The following ASB14 variants were observed in gnomAD, a reference collection of about 807,000 sequenced individuals.
ASB14 encodes the protein ankyrin repeat and SOCS box containing 14.
In ASB14, 63 loss-of-function variants were observed where a neutral mutation model predicts 55.6. That is an observed-to-expected ratio of 1.13 (90% CI 0.92 to 1.40). The LOEUF is 1.40. ASB14 is among the 40% of genes most tolerant of loss of function. The probability of loss-of-function intolerance (pLI) is 0.00; values close to 1 mark genes in which losing one functional copy is unlikely to be tolerated. For synonymous variants in ASB14, 256 were observed against 259.9 expected (o/e 0.98, Z 0.15); for missense variants, 724 against 710.4 (o/e 1.02, Z -0.22).
At chr3:57,285,650 C>G (rs2061075307) in intron 5 of ASB14, among the ~76,000 whole-genome samples, 1 of 152,026 alleles carries the variant, frequency 6.6e-6, no homozygotes, top group African/African-American at 2.4e-5. Flanking sequence ...GGAGTTAATA[C>G]TTGTCTTATG....
chr3:57,276,843 G>A, intron 9 of ASB14, 115 bp from the exon 10 acceptor site: 1 of 918,618 alleles, frequency 1.1e-6, no homozygotes, highest in Non-Finnish European at 1.6e-6. Context: ...AAATGGCAAA[G>A]TCAATAGGGA....
chr3:57,283,057 A>G (rs1464242430), intron 6 of ASB14, 137 bp downstream of exon 6: 4 of 1,253,566 alleles, frequency 3.2e-6, no homozygotes, highest in South Asian at 1.6e-5. Flanking sequence ...AGTAATCACT[A>G]TTAACCCATA....
intron 5 of ASB14, 132 bp downstream of exon 5, chr3:57,287,769 G>A (rs746425804): frequency 1.9e-5 from 19 of 1,016,498 alleles, no homozygotes; most frequent in East Asian, 5.2e-5. Flanking sequence ...CTGGAGGGTC[G>A]GTACCCATGT....
intron 10 of ASB14, 66 bp downstream of exon 10, chr3:57,276,462 G>A (rs1359769831): frequency 2.4e-6 from 3 of 1,226,268 alleles, no homozygotes; most frequent in South Asian, 1.6e-5. Flanking sequence ...TTTAGTTGGT[G>A]GGTAAAGCAA....
Position 57,269,636 on chromosome 3 carries a change from A to G in ASB14, c.*23-18T>C. On this transcript the variant is annotated intron_variant, in intron 10 of 10. Transcript: ENST00000487349. ...TTGTTGTCCTTAGCAGTAGCCAGTC[A>G]GAAGAGAGTGATTTGGGAGAAGGAG... is the stretch of plus-strand genomic sequence containing the variant. 2 of 1,614,156 alleles carry G rather than the reference A, an allele frequency of 1.2e-6. No individual in the cohort carries two copies. The highest frequency in any genetic ancestry group is 1.7e-6 in the Non-Finnish European group (2 of 1,180,006).
At chr3:57,272,563 C>T (rs1360223392) in intron 10 of ASB14, 1 of 151,934 alleles carries the variant, frequency 6.6e-6, no homozygotes, top group African/African-American at 2.4e-5. Context: ...ATCCTAAGAG[C>T]TAGTATGTTG....
chr3:57,286,251 G>C (rs947861355), intron 5 of ASB14, among the ~76,000 whole-genome samples: 11 of 149,508 alleles, frequency 7.4e-5, no homozygotes, highest in African/African-American at 2.5e-4. Context: ...ACAGTGACTT[G>C]TGAGTCTTCC....
In ASB14 at chr3:57,280,367, A is replaced by G; in HGVS notation, c.822T>C (p.Asp274=). 1.9e-6 allele frequency: 3 copies of G among 1,551,402 alleles called. No individual in the cohort carries two copies. The highest frequency in any genetic ancestry group is 2.4e-5 in the East Asian group (1 of 40,916). The part of the protein sequence containing the change: ...AVALLLEYGA[D]ANIPKNSGHL... Reference sequence around the variant, plus strand: ...GGCCTGAATTCTTAGGGATGTTGGCATCAGCTCCATACTCCAGCAAGAGAG... The same window carrying G: ...GGCCTGAATTCTTAGGGATGTTGGCGTCAGCTCCATACTCCAGCAAGAGAG... Residue 274 remains aspartate, a synonymous_variant, in exon 7 of 11, where the codon GAT becomes GAC. Transcript: ENST00000487349.
intron 10 of ASB14, 120 bp downstream of exon 10, chr3:57,276,408 C>T: frequency 2.8e-6 from 2 of 708,396 alleles, no homozygotes; most frequent in Non-Finnish European, 4.5e-6. Flanking sequence ...GCCTCAGCCT[C>T]CCAAGCAGAG....
intron 10 of ASB14, among the ~76,000 whole-genome samples, chr3:57,275,500 A>C (rs918519547): frequency 2.6e-5 from 4 of 151,948 alleles, no homozygotes; most frequent in African/African-American, 9.7e-5. Context: ...GAAATACATA[A>C]TTTATGAGTT....
intron 8 of ASB14, 67 bp downstream of exon 8, chr3:57,278,310 T>C (rs1186670410): frequency 1.5e-6 from 2 of 1,307,028 alleles, no homozygotes; most frequent in African/African-American, 1.5e-5. Flanking sequence ...TGTAATCTAT[T>C]TATTGCCATA....
At position 57,288,698 on chromosome 3, in the gene ASB14, CAT is replaced by C. The variant is rs533702855; in HGVS notation, c.178+368_178+369del. On this transcript the variant is annotated intron_variant, in intron 3 of 10. Coordinates refer to ENST00000487349, the MANE Select transcript of ASB14 (RefSeq NM_001142733.3). ...GGGAAATGCTGCCAGCCATCACCATCATATCTTTCCTTTTTTTTTTTTTTTTT... is the reference window on the plus strand; with the variant it reads ...GGGAAATGCTGCCAGCCATCACCATCATCTTTCCTTTTTTTTTTTTTTTTT... Among the ~76,000 whole-genome samples the C allele has an allele frequency of 1.1e-4, 15 of 138,688 alleles. No homozygotes were observed. In the South Asian group the frequency reaches 3.6e-3, roughly 33 times the overall value. The allele number at this position is 138,688 out of a possible 152,430, so 91.0% of individuals were successfully genotyped here. A position where few individuals can be genotyped will look rare whatever the true frequency, so the allele number is the denominator to read the frequency against.
Position 57,277,873 on chromosome 3 carries a change from C to T in ASB14, c.1479G>A (p.Lys493=), listed in dbSNP as rs1159061968. ...TLSWLQHLSG[K]VVRVMLDYVD... ...CATAATCAAGCATCACTCGAACAAC[C>T]TTTCCAGAGAGATGTTGCAGCCATG... Residue 493 remains lysine, a synonymous_variant, in exon 9 of 11, where the codon AAG becomes AAA. Transcript: ENST00000487349. 6.2e-7 allele frequency: 1 copy of T among 1,613,902 alleles called. No homozygotes were observed. Among genetic ancestry groups the T allele is most frequent in the East Asian group, 2.2e-5 (1 of 44,852 alleles).
chr3:57,273,959 A>G (rs1347963034), intron 10 of ASB14, among the ~76,000 whole-genome samples: 1 of 152,234 alleles, frequency 6.6e-6, no homozygotes, highest in Non-Finnish European at 1.5e-5. Flanking sequence ...TTAGAATTAT[A>G]TAATTTATCT....
intron 3 of ASB14, among the ~76,000 whole-genome samples, chr3:57,288,602 G>A (rs1472159449): frequency 2.6e-5 from 4 of 151,660 alleles, no homozygotes; most frequent in Admixed American, 6.6e-5. Context: ...TTGACAATCA[G>A]CTGTGGACCC....
At chr3:57,291,857 T>C in intron 2 of ASB14, 55 bp downstream of exon 2, 2 of 1,418,958 alleles carry the variant, frequency 1.4e-6, no homozygotes, top group Non-Finnish European at 1.9e-6. Flanking sequence ...TAATGACAAG[T>C]GTCAGCTGTT....
chr3:57,284,094 A>ATGTGTGTGTGTGTGTG (rs147304310), intron 5 of ASB14, among the ~76,000 whole-genome samples: 2,647 of 136,362 alleles, frequency 0.019, 57 homozygotes, highest in African/African-American at 0.038. Flanking sequence ...AACACTGTGT[A>ATGTGTGTGTGTGTGTG]TGTGTGTGTG....
chr3:57,287,801 G>A (rs770393727), intron 5 of ASB14, 100 bp downstream of exon 5: 27 of 1,265,794 alleles, frequency 2.1e-5, no homozygotes, highest in Non-Finnish European at 2.8e-5. Context: ...GGAACAGAGT[G>A]ACAGTGCTGC....
intron 2 of ASB14, among the ~76,000 whole-genome samples, chr3:57,289,609 T>A (rs2061112139): frequency 6.6e-6 from 1 of 152,190 alleles, no homozygotes; most frequent in Non-Finnish European, 1.5e-5. Flanking sequence ...AAGTAATGTT[T>A]TTATTATTTA....
Sources: gnomAD v4.1 joint callset for allele counts (sites outside exome capture counted in the v4.1 genomes callset) on GRCh38, gnomAD v4.1.1 for gene constraint, MANE v1.5 for transcripts, NCBI Gene and HGNC (gene_info 2026-07-23, HGNC 2026-07-21) for gene names.